The following DUS2 variants were observed in gnomAD, a reference collection of about 807,000 sequenced individuals.
DUS2 encodes the protein tRNA-dihydrouridine(20) synthase [NAD(P)+]-like.
DUS2 carries 52 observed loss-of-function variants against 71.3 expected under a neutral mutation model. The observed-to-expected ratio is 0.73, with a 90% CI of 0.58 to 0.92. The LOEUF is 0.92. Ranked by LOEUF, DUS2 falls within the 40% of genes least tolerant of loss-of-function variation. DUS2 has a pLI of 0.00. For synonymous variants in DUS2, 204 were observed against 227.8 expected (o/e 0.90, Z 0.94); for missense variants, 558 against 622.6 (o/e 0.90, Z 1.10).
intron 4 of DUS2, among the ~76,000 whole-genome samples, chr16:68,051,750 C>T (rs754711233): frequency 2.7e-4 from 41 of 152,086 alleles, no homozygotes; most frequent in Non-Finnish European, 5.3e-4. Context: ...TAACATTGAA[C>T]CCACTAACAT....
chr16:68,072,647 G>T (rs995162270), intron 12 of DUS2, among the ~76,000 whole-genome samples: 2 of 152,088 alleles, frequency 1.3e-5, no homozygotes, highest in African/African-American at 2.4e-5. Flanking sequence ...GCGTGCCGTG[G>T]CACTTTCCCA....
intron 3 of DUS2, among the ~76,000 whole-genome samples, chr16:68,047,206 C>T (rs974333908): frequency 2.0e-5 from 3 of 150,820 alleles, no homozygotes; most frequent in African/African-American, 7.3e-5. Context: ...CGGGCACGTG[C>T]CACCACGCCT....
chr16:68,037,709 G>A (rs1281355155), intron 2 of DUS2, among the ~76,000 whole-genome samples: 1 of 151,974 alleles, frequency 6.6e-6, no homozygotes, highest in Non-Finnish European at 1.5e-5. Flanking sequence ...GTGAACCATC[G>A]TGCCTAGCTG....
At chr16:68,062,587 C>T (rs764433343) in intron 8 of DUS2, among the ~76,000 whole-genome samples, 2 of 151,510 alleles carry the variant, frequency 1.3e-5, no homozygotes, top group Non-Finnish European at 2.9e-5. Context: ...GGCGTGGTGG[C>T]GGGTGCCTGT....
chr16:68,043,582 G>T (rs2033661768), intron 3 of DUS2, among the ~76,000 whole-genome samples: 1 of 151,950 alleles, frequency 6.6e-6, no homozygotes, highest in African/African-American at 2.4e-5. Context: ...ATGCTTTTTT[G>T]GCCATTTGTA....
chr16:68,051,353 T>C (rs572526246), intron 4 of DUS2, among the ~76,000 whole-genome samples: 54 of 152,312 alleles, frequency 3.5e-4, no homozygotes, highest in African/African-American at 1.0e-3. Flanking sequence ...CATCAACTTG[T>C]CAGTCCATAA....
chr16:68,052,516 A>G (rs950367502), intron 4 of DUS2, among the ~76,000 whole-genome samples: 5 of 152,212 alleles, frequency 3.3e-5, no homozygotes, highest in Non-Finnish European at 7.3e-5. Flanking sequence ...ATTGATTGTT[A>G]TATAGTAACC....
intron 3 of DUS2, 53 bp from the exon 4 acceptor site, chr16:68,049,452 T>G: frequency 6.3e-7 from 1 of 1,593,858 alleles, no homozygotes; most frequent in African/African-American, 1.3e-5. Context: ...AAATCCTTCA[T>G]GCCCAGAGCC....
chr16:68,071,885 A>C (rs1035370062), intron 12 of DUS2, among the ~76,000 whole-genome samples: 1 of 152,140 alleles, frequency 6.6e-6, no homozygotes, highest in Non-Finnish European at 1.5e-5. Context: ...GTTTCTTCTC[A>C]TTGAGAGGTT....
At chr16:68,061,200 AT>A in intron 8 of DUS2, 87 bp downstream of exon 8, 2 of 1,362,960 alleles carry the variant, frequency 1.5e-6, no homozygotes, top group Non-Finnish European at 2.1e-6. Context: ...CCAATACCAG[AT>A]TTACTGATGT....
At chr16:68,043,714 G>A (rs2033663574) in intron 3 of DUS2, among the ~76,000 whole-genome samples, 1 of 152,058 alleles carries the variant, frequency 6.6e-6, no homozygotes, top group Admixed American at 6.6e-5. Context: ...GCCCACGCAG[G>A]AGTGCAGTGG....
chr16:68,065,373 C>CG (rs1204085376), intron 8 of DUS2, among the ~76,000 whole-genome samples: 1 of 150,366 alleles, frequency 6.7e-6, no homozygotes, highest in Non-Finnish European at 1.5e-5. Context: ...TGTCTGCCCC[C>CG]CCGCTTTTTT....
chr16:68,028,291 G>A (rs746114033), intron 2 of DUS2, among the ~76,000 whole-genome samples: 4 of 152,092 alleles, frequency 2.6e-5, no homozygotes, highest in Non-Finnish European at 4.4e-5. Context: ...CTCACACGCT[G>A]CCTTGATCTT....
Position 68,079,043 on chromosome 16 carries a change from TG to T in DUS2, c.*58del. 2 of 1,390,624 alleles carry T rather than the reference TG, an allele frequency of 1.4e-6. No homozygotes were observed. Among genetic ancestry groups the T allele is most frequent in the Non-Finnish European group, 2.0e-6 (2 of 1,024,076 alleles). 86.1% of individuals were successfully genotyped at this position (1,390,624 alleles called of 1,614,324 possible). ...GGCCTGGTGCTAAGGTGGCTGTGGA[TG>T]CCACAGCATGAACCAGATGCCGTTG... is the stretch of plus-strand genomic sequence containing the variant. On this transcript the variant is annotated 3_prime_UTR_variant, in exon 17 of 17. Transcript: ENST00000565263.
At chr16:68,051,061 A>T (rs1362214257) in intron 4 of DUS2, among the ~76,000 whole-genome samples, 1 of 152,224 alleles carries the variant, frequency 6.6e-6, no homozygotes, top group Non-Finnish European at 1.5e-5. Flanking sequence ...CTTTAAGTGC[A>T]TCAAAGATCT....
chr16:68,037,772 C>T (rs1035649019), intron 2 of DUS2: 1 of 277,776 alleles, frequency 3.6e-6, no homozygotes, highest in Non-Finnish European at 6.9e-6. Context: ...TGGTGGCAGA[C>T]GCCCATAATC....
intron 3 of DUS2, among the ~76,000 whole-genome samples, chr16:68,047,800 G>C (rs1364714759): frequency 8.8e-6 from 1 of 113,600 alleles, no homozygotes; most frequent in Non-Finnish European, 1.8e-5. Context: ...TTTTTTTTTT[G>C]AGACAGGTGT....
chr16:68,028,469 A>G (rs1271154442), intron 2 of DUS2, among the ~76,000 whole-genome samples: 1 of 151,932 alleles, frequency 6.6e-6, no homozygotes, highest in Non-Finnish European at 1.5e-5. Context: ...CCCCATCCCT[A>G]CTAAAAAAAA....
intron 3 of DUS2, among the ~76,000 whole-genome samples, chr16:68,041,144 T>C (rs1192001486): frequency 2.0e-5 from 3 of 152,110 alleles, no homozygotes; most frequent in Admixed American, 6.6e-5. Flanking sequence ...GAGAAACGCC[T>C]GAACCTGGGA....
Sources: allele counts gnomAD v4.1 joint callset (sites outside exome capture counted in the v4.1 genomes callset), GRCh38; gene constraint gnomAD v4.1.1; transcripts MANE v1.5; gene names NCBI Gene and HGNC (gene_info 2026-07-23, HGNC 2026-07-21).